LHFPL3: variants seen among roughly 807,000 people sequenced by gnomAD.
LHFPL3 encodes the protein LHFPL tetraspan subfamily member 3 protein.
Under a neutral mutation model 19.3 loss-of-function variants are expected in LHFPL3, and 5 were observed. The observed-to-expected ratio is 0.26, with a 90% CI of 0.14 to 0.54. The LOEUF (loss-of-function observed/expected upper bound fraction) is 0.54, where lower values mean the gene tolerates loss of function less well. Ranked by LOEUF, LHFPL3 falls within the 20% of genes least tolerant of loss-of-function variation. The probability of loss-of-function intolerance (pLI) is 0.94; values close to 1 mark genes in which losing one functional copy is unlikely to be tolerated. For synonymous variants in LHFPL3, 133 were observed against 126.2 expected, an observed-to-expected ratio of 1.05 and a Z score of -0.36; for missense variants, 249 against 307.4, an observed-to-expected ratio of 0.81 and a Z score of 1.42.
intron 1 of LHFPL3, among the ~76,000 whole-genome samples, chr7:104,402,594 C>A (rs893642876): frequency 5.3e-5 from 8 of 152,222 alleles, no homozygotes; most frequent in African/African-American, 1.7e-4. Context: ...CATTTCACCC[C>A]CTCACAATAG....
intron 1 of LHFPL3, among the ~76,000 whole-genome samples, chr7:104,508,172 C>T (rs1293391596): frequency 9.2e-5 from 14 of 152,114 alleles, no homozygotes; most frequent in Admixed American, 4.6e-4. Context: ...ATGTTTATTG[C>T]GGCATTATTC....
chr7:104,901,972 C>T (rs575635656), intron 2 of LHFPL3, among the ~76,000 whole-genome samples: 1 of 152,290 alleles, frequency 6.6e-6, no homozygotes, highest in South Asian at 2.1e-4. Flanking sequence ...CTATTCCAGG[C>T]CTGGCTCACT....
At chr7:104,364,645 C>T (rs1446073808) in intron 1 of LHFPL3, among the ~76,000 whole-genome samples, 2 of 152,170 alleles carry the variant, frequency 1.3e-5, no homozygotes, top group African/African-American at 4.8e-5. Flanking sequence ...GAAAGGGAAT[C>T]ACATCATGGT....
intron 2 of LHFPL3, among the ~76,000 whole-genome samples, chr7:104,827,105 T>A (rs751282481): frequency 1.6e-4 from 25 of 151,998 alleles, no homozygotes; most frequent in Non-Finnish European, 3.4e-4. Context: ...AGGTAAAGCA[T>A]GTTTGTGTTG....
chr7:104,448,911 T>C (rs1792379973), intron 1 of LHFPL3, among the ~76,000 whole-genome samples: 1 of 152,218 alleles, frequency 6.6e-6, no homozygotes, highest in African/African-American at 2.4e-5. Context: ...TGCTGATGTG[T>C]CTGTTGGTGC....
chr7:104,721,210 A>G (rs912414726), intron 1 of LHFPL3, among the ~76,000 whole-genome samples: 2 of 152,070 alleles, frequency 1.3e-5, no homozygotes, highest in Admixed American at 1.3e-4. Flanking sequence ...ATGCAGCCAT[A>G]AAAAAGGATG....
chr7:104,843,777 A>T (rs1013654094), intron 2 of LHFPL3, among the ~76,000 whole-genome samples: 1 of 152,184 alleles, frequency 6.6e-6, no homozygotes, highest in Non-Finnish European at 1.5e-5. Flanking sequence ...GGAAATGGGA[A>T]GCTATCAGTC....
At chr7:104,879,779 C>G (rs1792013294) in intron 2 of LHFPL3, among the ~76,000 whole-genome samples, 1 of 152,198 alleles carries the variant, frequency 6.6e-6, no homozygotes, top group Admixed American at 6.5e-5. Flanking sequence ...GAAGATCTAG[C>G]TAATACTGAT....
rs372528796 is a variant in LHFPL3 at position 104,641,762 on chromosome 7, A to C, written c.446-94913A>C. 5.9e-5 allele frequency among the ~76,000 whole-genome samples: 9 copies of C among 152,214 alleles called. No homozygotes were observed. In the East Asian group the frequency reaches 9.6e-4, roughly 16 times the overall value. On this transcript the variant is annotated intron_variant, in intron 1 of 2. Coordinates refer to ENST00000424859, the MANE Select transcript of LHFPL3 (RefSeq NM_199000.3). ...AAAGTCCCCAGTTAAAATGTTCACAAGATTGCCTGTTCACATTCTCAGAAA... is the reference window on the plus strand; with the variant it reads ...AAAGTCCCCAGTTAAAATGTTCACACGATTGCCTGTTCACATTCTCAGAAA...
At chr7:104,633,922 A>T (rs1791688519) in intron 1 of LHFPL3, among the ~76,000 whole-genome samples, 1 of 152,130 alleles carries the variant, frequency 6.6e-6, no homozygotes, top group African/African-American at 2.4e-5. Flanking sequence ...GGTCCAGCCC[A>T]CTTGTGACAG....
rs1801520258 is a variant in LHFPL3 at position 104,329,115 on chromosome 7, C to T, written c.336C>T (p.Ile112=). The T allele has an allele frequency of 1.9e-6, 3 of 1,614,086 alleles. No individual in the cohort carries two copies. In the East Asian group the frequency reaches 6.7e-5, roughly 36 times the overall value. The change falls in exon 1 of 3, where the codon ATC becomes ATT. Residue 112 remains isoleucine, a synonymous_variant. Coordinates refer to ENST00000424859, the MANE Select transcript of LHFPL3 (RefSeq NM_199000.3). ...CCTTCAAAGCCGCCTCCTTCTTTAT[C>T]GGCCTCTCCATGATGCTCATCATTG... ...SGAFKAASFF[I]GLSMMLIIAC...
intron 1 of LHFPL3, among the ~76,000 whole-genome samples, chr7:104,551,016 A>C (rs1794652926): frequency 6.6e-6 from 1 of 152,148 alleles, no homozygotes; most frequent in East Asian, 1.9e-4. Context: ...GCTCAGCTAT[A>C]GACCTTGACC....
At chr7:104,845,883 C>T (rs561735238) in intron 2 of LHFPL3, among the ~76,000 whole-genome samples, 7 of 152,186 alleles carry the variant, frequency 4.6e-5, no homozygotes, top group African/African-American at 1.4e-4. Flanking sequence ...CGGCTGTGGG[C>T]GTCTCCATAG....
intron 1 of LHFPL3, among the ~76,000 whole-genome samples, chr7:104,683,182 G>A (rs765710746): frequency 6.6e-6 from 1 of 152,116 alleles, no homozygotes; most frequent in African/African-American, 2.4e-5. Flanking sequence ...TAGAGACGAG[G>A]TTTCACCATG....
intron 2 of LHFPL3, among the ~76,000 whole-genome samples, chr7:104,852,355 C>T (rs868596132): frequency 1.2e-4 from 19 of 152,318 alleles, no homozygotes; most frequent in African/African-American, 4.3e-4. Context: ...CCTGCTGCCC[C>T]CAGCAGTGGG....
chr7:104,595,422 T>C (rs1382801419), intron 1 of LHFPL3, among the ~76,000 whole-genome samples: 2 of 152,168 alleles, frequency 1.3e-5, no homozygotes, highest in Non-Finnish European at 2.9e-5. Flanking sequence ...GCCTGATCCT[T>C]CCTCTGGAAG....
chr7:104,330,544 T>A (rs1801548372), intron 1 of LHFPL3, among the ~76,000 whole-genome samples: 1 of 152,096 alleles, frequency 6.6e-6, no homozygotes, highest in Non-Finnish European at 1.5e-5. Context: ...AAAGAGAAGC[T>A]TGTGGGAGAC....
At chr7:104,809,149 C>T (rs1328497627) in intron 2 of LHFPL3, among the ~76,000 whole-genome samples, 1 of 152,168 alleles carries the variant, frequency 6.6e-6, no homozygotes, top group Non-Finnish European at 1.5e-5. Flanking sequence ...CCACCTTGGC[C>T]TCCTAAAGTG....
At chr7:104,503,830 A>G (rs983929855) in intron 1 of LHFPL3, among the ~76,000 whole-genome samples, 2 of 152,220 alleles carry the variant, frequency 1.3e-5, no homozygotes, top group Non-Finnish European at 2.9e-5. Flanking sequence ...TCACCCTCCC[A>G]AAGTGTTGGG....
Sources: allele counts gnomAD v4.1 joint callset (sites outside exome capture counted in the v4.1 genomes callset), GRCh38; gene constraint gnomAD v4.1.1; transcripts MANE v1.5; gene names NCBI Gene and HGNC (gene_info 2026-07-23, HGNC 2026-07-21).